The following PHF2 variants were observed in gnomAD, a reference collection of about 807,000 sequenced individuals.
PHF2 encodes the protein PHD finger protein 2, also known as lysine-specific demethylase PHF2.
A neutral mutation model predicts 120.5 loss-of-function variants in PHF2; 27 were observed. The ratio of observed to expected loss-of-function variants is 0.22; its 90% CI spans 0.17 to 0.31. PHF2 has a LOEUF of 0.31. Ranked by LOEUF, PHF2 falls within the 10% of genes least tolerant of loss-of-function variation. The pLI is 1.00. For missense variants in PHF2, 1,024 were observed against 1,434.8 expected (o/e 0.71, Z 4.63); for synonymous variants, 568 against 592.5 (o/e 0.96, Z 0.60).
At chr9:93,645,284 C>T (rs1011866739) in intron 3 of PHF2, among the ~76,000 whole-genome samples, 11 of 152,194 alleles carry the variant, frequency 7.2e-5, no homozygotes, top group African/African-American at 1.4e-4. Context: ...TGGGTCAGCC[C>T]GGGTGCCGGT....
chr9:93,658,355 A>G (rs1020430197), intron 10 of PHF2, 119 bp downstream of exon 10: 1 of 816,624 alleles, frequency 1.2e-6, no homozygotes, highest in Non-Finnish European at 2.0e-6. Flanking sequence ...CCAGCCTGGG[A>G]AGGACGGTGG....
chr9:93,618,439 A>G (rs1825761696), intron 1 of PHF2, among the ~76,000 whole-genome samples: 1 of 152,288 alleles, frequency 6.6e-6, no homozygotes, highest in South Asian at 2.1e-4. Context: ...ACGTGCACAC[A>G]CAAACGGGCA....
chr9:93,587,630 G>A (rs920908685), intron 1 of PHF2, among the ~76,000 whole-genome samples: 1 of 135,872 alleles, frequency 7.4e-6, no homozygotes, highest in African/African-American at 2.7e-5. Context: ...TGAGGGGTGG[G>A]AGGGCTGGAC....
chr9:93,610,680 A>C (rs1237989178), intron 1 of PHF2, among the ~76,000 whole-genome samples: 1 of 152,094 alleles, frequency 6.6e-6, no homozygotes, highest in Non-Finnish European at 1.5e-5. Context: ...TGTAGTAAAA[A>C]AAAATTGGAA....
intron 3 of PHF2, among the ~76,000 whole-genome samples, chr9:93,640,950 G>A (rs1480158168): frequency 6.6e-6 from 1 of 152,076 alleles, no homozygotes; most frequent in Non-Finnish European, 1.5e-5. Flanking sequence ...GTTTCTTTGG[G>A]TTTTCCTAAG....
chr9:93,602,247 C>CTTATTTTTTT (rs1825454442), intron 1 of PHF2, among the ~76,000 whole-genome samples: 1 of 79,670 alleles, frequency 1.3e-5, no homozygotes, highest in Non-Finnish European at 2.2e-5. Context: ...CCTAGAGATT[C>CTTATTTTTTT]TTTTTTTTTT....
chr9:93,662,956 A>C lies in PHF2; in HGVS notation c.1748A>C (p.Gln583Pro). The C allele has an allele frequency of 6.2e-7, 1 of 1,614,156 alleles. No homozygotes were observed. Among genetic ancestry groups the C allele is most frequent in the Non-Finnish European group, 8.5e-7 (1 of 1,179,986 alleles). ...CCCAACAAAGATGTGGTTCACATGC[A>C]GAATGATGTGGAGAGGCTGGAAATT... ...SVPNKDVVHMQNDVERLEIRE... is the reference protein window; with the variant it reads ...SVPNKDVVHMPNDVERLEIRE... The change falls in exon 13 of 22, where the codon CAG becomes CCG. Residue 583 changes from glutamine (Q) to proline (P), a missense_variant. By Grantham distance (76) the Gln-to-Pro change is moderately conservative. This residue lies in a region of PHF2 where 677 missense variants were observed against 857.4 expected (regional missense o/e 0.79). Transcript: ENST00000359246.
chr9:93,636,062 G>A (rs144451463), intron 2 of PHF2, among the ~76,000 whole-genome samples: 8 of 152,258 alleles, frequency 5.3e-5, no homozygotes, highest in South Asian at 2.1e-4. Flanking sequence ...AGGCCAAACC[G>A]TGGCTGAGGA....
intron 5 of PHF2, among the ~76,000 whole-genome samples, 185 bp downstream of exon 5, chr9:93,649,397 T>TTTTTTTTTTTTTTTTG (rs1321587527): frequency 2.1e-5 from 3 of 143,242 alleles, no homozygotes; most frequent in African/African-American, 5.3e-5. Flanking sequence ...TTTTTTTTTT[T>TTTTTTTTTTTTTTTTG]TATAAGACTG....
chr9:93,667,273 G>T, intron 17 of PHF2, 33 bp downstream of exon 17: 1 of 1,594,132 alleles, frequency 6.3e-7, no homozygotes, highest in Non-Finnish European at 8.5e-7. Flanking sequence ...ACCCAAGAGC[G>T]GGGACCAGGC....
At chr9:93,577,761 C>A (rs548922530) in intron 1 of PHF2, among the ~76,000 whole-genome samples, 5 of 152,328 alleles carry the variant, frequency 3.3e-5, no homozygotes, top group African/African-American at 1.2e-4. Flanking sequence ...CCTCTTGGCC[C>A]TTGCCGATGG....
chr9:93,618,447 G>A (rs1239332998), intron 1 of PHF2, among the ~76,000 whole-genome samples: 1 of 152,204 alleles, frequency 6.6e-6, no homozygotes, highest in Non-Finnish European at 1.5e-5. Flanking sequence ...ACACAAACGG[G>A]CATACAAGCA....
At chr9:93,672,851 G>A in intron 17 of PHF2, 1 of 975,500 alleles carries the variant, frequency 1.0e-6, no homozygotes, top group African/African-American at 1.8e-5. Flanking sequence ...TGCAGGTGCA[G>A]GGGTGGAGGT....
intron 14 of PHF2, among the ~76,000 whole-genome samples, chr9:93,664,975 TC>T (rs1365207780): frequency 6.6e-6 from 1 of 152,262 alleles, no homozygotes. Flanking sequence ...TGTTTGAAGT[TC>T]CAGACTTTTC....
intron 3 of PHF2, among the ~76,000 whole-genome samples, chr9:93,638,797 C>CA (rs1243026474): frequency 6.6e-6 from 1 of 152,200 alleles, no homozygotes; most frequent in Non-Finnish European, 1.5e-5. Context: ...TGGCTTACTG[C>CA]AACCTCCACC....
chr9:93,577,025 C>G (rs890438230), intron 1 of PHF2, among the ~76,000 whole-genome samples, 154 bp downstream of exon 1: 3 of 145,670 alleles, frequency 2.1e-5, no homozygotes, highest in African/African-American at 7.4e-5. Context: ...CGGGGCTGGG[C>G]CGTGCCGGGC....
intron 18 of PHF2, 24 bp from the exon 19 acceptor site, chr9:93,674,903 C>A: frequency 6.3e-7 from 1 of 1,583,752 alleles, no homozygotes. Flanking sequence ...CAGCGGGCCA[C>A]GCCTTCCCTC....
At position 93,654,502 on chromosome 9, in the gene PHF2, G is replaced by A; in HGVS notation, c.879G>A (p.Met293Ile). 2 of 1,614,130 alleles carry A rather than the reference G, an allele frequency of 1.2e-6. No homozygotes were observed. The highest frequency in any genetic ancestry group is 8.5e-7 in the Non-Finnish European group (1 of 1,180,030). ...RWRSASNHSE[M>I]FFADQVDKCY... ...GGTCTGCCTCTAACCACAGCGAGAT[G>A]TTCTTTGCTGACCAGGTCGACAAAT... Residue 293 changes from methionine (M) to isoleucine (I), a missense_variant, in exon 7 of 22, where the codon ATG becomes ATA. Physicochemically the swap from Met to Ile is conservative, Grantham distance 10 (BLOSUM62 1). Around this residue, in one of 2 missense-constraint regions of PHF2, gnomAD observed 347 missense variants for 577.4 expected, o/e 0.60. Transcript: ENST00000359246.
chr9:93,640,804 T>C (rs1304354027), intron 3 of PHF2, among the ~76,000 whole-genome samples: 3 of 152,206 alleles, frequency 2.0e-5, no homozygotes, highest in Admixed American at 6.5e-5. Context: ...TATTGTGTAA[T>C]AGGAATTGAG....
Sources: gnomAD v4.1 joint callset for allele counts (sites outside exome capture counted in the v4.1 genomes callset) on GRCh38, gnomAD v4.1.1 for gene constraint, gnomAD v4.1.1 regional missense constraint, MANE v1.5 for transcripts, NCBI Gene and HGNC (gene_info 2026-07-23, HGNC 2026-07-21) for gene names.